PLXDC2: variants seen among roughly 807,000 people sequenced by gnomAD.
PLXDC2 encodes the protein plexin domain-containing protein 2.
In PLXDC2, 40 loss-of-function variants were observed where a neutral mutation model predicts 68.9. The observed-to-expected ratio is 0.58, with a 90% CI of 0.45 to 0.76. The LOEUF (loss-of-function observed/expected upper bound fraction) is 0.76, where lower values mean the gene tolerates loss of function less well. PLXDC2 is among the 30% of genes least tolerant of loss of function. The pLI is 0.00. For missense variants in PLXDC2, 644 were observed against 661.9 expected (o/e 0.97, Z 0.30); for synonymous variants, 243 against 234.2 (o/e 1.04, Z -0.34).
At chr10:20,045,809 G>A (rs1264225802) in intron 2 of PLXDC2, among the ~76,000 whole-genome samples, 1 of 151,946 alleles carries the variant, frequency 6.6e-6, no homozygotes, top group African/African-American at 2.4e-5. Context: ...TTACCTGAAT[G>A]TTTTAAAATA....
At chr10:20,226,628 A>G (rs17707050) in intron 12 of PLXDC2, among the ~76,000 whole-genome samples, 6,539 of 152,278 alleles carry the variant, frequency 0.043, 236 homozygotes, top group South Asian at 0.12. Flanking sequence ...TTTCCCCTGT[A>G]GGTTAATTTG....
intron 1 of PLXDC2, among the ~76,000 whole-genome samples, chr10:19,900,702 A>G (rs937923129): frequency 2.0e-5 from 3 of 151,950 alleles, no homozygotes; most frequent in Non-Finnish European, 4.4e-5. Flanking sequence ...TGGTGTACCC[A>G]TCACCCAAGC....
intron 3 of PLXDC2, among the ~76,000 whole-genome samples, chr10:20,067,413 T>C (rs538973640): frequency 1.3e-5 from 2 of 152,274 alleles, no homozygotes; most frequent in South Asian, 4.1e-4. Flanking sequence ...CAGCCGGGCA[T>C]GGTGGCTCAC....
At chr10:20,089,451 T>A (rs551863858) in intron 4 of PLXDC2, among the ~76,000 whole-genome samples, 11 of 152,110 alleles carry the variant, frequency 7.2e-5, no homozygotes, top group Non-Finnish European at 1.2e-4. Context: ...TTCAGTGACT[T>A]GTCCCTAAGA....
At chr10:20,228,670 C>CAGGAAGGA (rs139611942) in intron 12 of PLXDC2, among the ~76,000 whole-genome samples, 2 of 148,966 alleles carry the variant, frequency 1.3e-5, no homozygotes, top group African/African-American at 5.0e-5. Flanking sequence ...AAGAAGGAAG[C>CAGGAAGGA]AGGAAGGAAG....
intron 3 of PLXDC2, among the ~76,000 whole-genome samples, chr10:20,048,693 A>C (rs554485728): frequency 2.0e-5 from 3 of 152,196 alleles, no homozygotes; most frequent in African/African-American, 7.2e-5. Context: ...TCCTCAGTTA[A>C]AGTATTAGCT....
intron 1 of PLXDC2, among the ~76,000 whole-genome samples, chr10:19,983,469 C>T (rs1431190562): frequency 6.6e-6 from 1 of 152,092 alleles, no homozygotes; most frequent in Non-Finnish European, 1.5e-5. Context: ...TTTTGGAAGT[C>T]AAGTCAGGTG....
chr10:20,192,287 G>A (rs1037951535), intron 9 of PLXDC2, among the ~76,000 whole-genome samples: 1 of 152,008 alleles, frequency 6.6e-6, no homozygotes, highest in Admixed American at 6.6e-5. Context: ...CAGGAAAGGG[G>A]AAGAAGCCCT....
chr10:20,154,741 A>G (rs545194804), intron 6 of PLXDC2, among the ~76,000 whole-genome samples: 4 of 152,126 alleles, frequency 2.6e-5, no homozygotes, highest in Admixed American at 2.6e-4. Context: ...GACACAAACT[A>G]TAGGTGGATG....
chr10:20,049,835 AT>A (rs1835862333), intron 3 of PLXDC2, among the ~76,000 whole-genome samples: 1 of 152,128 alleles, frequency 6.6e-6, no homozygotes, highest in South Asian at 2.1e-4. Context: ...TACCAGTGAC[AT>A]TCTTCATAGA....
At chr10:19,823,002 G>A (rs1158247584) in intron 1 of PLXDC2, among the ~76,000 whole-genome samples, 1 of 151,466 alleles carries the variant, frequency 6.6e-6, no homozygotes, top group South Asian at 2.1e-4. Context: ...TGCAAGCACC[G>A]CCTCCCAGGT....
chr10:20,067,148 T>A (rs11011776), intron 3 of PLXDC2, among the ~76,000 whole-genome samples: 7,082 of 152,250 alleles, frequency 0.047, 189 homozygotes, highest in Middle Eastern at 0.095. Flanking sequence ...AATATTTATT[T>A]TTTAAAAAAA....
intron 1 of PLXDC2, among the ~76,000 whole-genome samples, chr10:19,885,397 C>A (rs571746952): frequency 1.1e-3 from 169 of 152,146 alleles, no homozygotes; most frequent in African/African-American, 4.0e-3. Context: ...GTTGCCATTG[C>A]TTTTGGTGTT....
At chr10:19,877,521 G>A (rs961180547) in intron 1 of PLXDC2, among the ~76,000 whole-genome samples, 1 of 152,136 alleles carries the variant, frequency 6.6e-6, no homozygotes, top group African/African-American at 2.4e-5. Flanking sequence ...TAGAAATGAT[G>A]TGTGCAAAAT....
intron 12 of PLXDC2, among the ~76,000 whole-genome samples, chr10:20,221,212 C>G (rs959144697): frequency 3.9e-5 from 6 of 152,080 alleles, no homozygotes; most frequent in African/African-American, 1.2e-4. Flanking sequence ...AAAGAGTTTT[C>G]TAGAACATTA....
chr10:19,977,703 G>C (rs1834481983), intron 1 of PLXDC2, among the ~76,000 whole-genome samples: 2 of 152,096 alleles, frequency 1.3e-5, no homozygotes, highest in African/African-American at 4.8e-5. Flanking sequence ...GGGGTTTGCA[G>C]ATGGCTGCCT....
intron 1 of PLXDC2, among the ~76,000 whole-genome samples, chr10:19,938,593 G>A (rs1195417472): frequency 1.3e-5 from 2 of 152,114 alleles, no homozygotes; most frequent in Non-Finnish European, 2.9e-5. Context: ...AGGGAAATCA[G>A]TCCCTGTGAT....
At chr10:19,824,173 A>C (rs1836531025) in intron 1 of PLXDC2, among the ~76,000 whole-genome samples, 1 of 152,220 alleles carries the variant, frequency 6.6e-6, no homozygotes, top group African/African-American at 2.4e-5. Context: ...TGTTTCAATA[A>C]CAGACATAGT....
chr10:20,114,281 G>A (rs1833595185), intron 4 of PLXDC2, among the ~76,000 whole-genome samples: 1 of 152,122 alleles, frequency 6.6e-6, no homozygotes, highest in Admixed American at 6.5e-5. Context: ...GTTGCTCTCT[G>A]GCCACATCAT....
Sources: gnomAD v4.1 joint callset for allele counts (sites outside exome capture counted in the v4.1 genomes callset) on GRCh38, gnomAD v4.1.1 for gene constraint, MANE v1.5 for transcripts, NCBI Gene and HGNC (gene_info 2026-07-23, HGNC 2026-07-21) for gene names.